Variants in CPA5 observed in about 807,000 individuals in gnomAD.
CPA5 encodes the protein testicular tissue protein Li 32.
Under a neutral mutation model 52.2 loss-of-function variants are expected in CPA5, and 38 were observed. The observed-to-expected ratio is 0.73, with a 90% CI of 0.56 to 0.95. The LOEUF is 0.95. Among genes scored for constraint, CPA5 ranks in the 40% least tolerant of loss-of-function variants. The pLI, the probability that CPA5 is intolerant of heterozygous loss-of-function variation, is 0.00. For synonymous variants in CPA5, 198 were observed against 213.7 expected, an observed-to-expected ratio of 0.93 and a Z score of 0.64; for missense variants, 519 against 566.7, an observed-to-expected ratio of 0.92 and a Z score of 0.86.
chr7:130,350,123 C>G lies in CPA5; in HGVS notation c.333+14C>G. On this transcript the variant is annotated intron_variant, in intron 5 of 12. Transcript: ENST00000474905. ...AAGGACATCCAGGTGAAGCCCTGCC[C>G]CAGCTGGGACCCTGCCTTCCGCCTT... 6.2e-7 allele frequency: 1 copy of G among 1,604,680 alleles called. No individual in the cohort carries two copies.
intron 7 of CPA5, among the ~76,000 whole-genome samples, chr7:130,362,235 C>T (rs906821631): frequency 1.3e-5 from 2 of 152,160 alleles, no homozygotes; most frequent in Non-Finnish European, 2.9e-5. Flanking sequence ...CTTTGCTCGC[C>T]AATGGCACCA....
rs201049041 is a variant in CPA5, at chr7:130,361,205, T to G, written c.495T>G (p.Ile165Met). The change falls in exon 7 of 13, where the codon ATT becomes ATG. Residue 165 changes from isoleucine to methionine, a missense_variant. Physicochemically the swap from Ile to Met is conservative, Grantham distance 10. Coordinates refer to ENST00000474905, the MANE Select transcript of CPA5 (RefSeq NM_080385.5). ...CCGATATTGTCTCAAAAATTCAGAT[T>G]GGCAACAGCTTTGAAAACCAGTCCA... ...EHSDIVSKIQIGNSFENQSIL... is the reference protein window; with the variant it reads ...EHSDIVSKIQMGNSFENQSIL... The G allele has an allele frequency of 3.9e-4, 627 of 1,614,002 alleles. No individual in the cohort carries two copies. Among genetic ancestry groups the G allele is most frequent in the Non-Finnish European group, 5.3e-4 (623 of 1,179,954 alleles).
chr7:130,374,575 T>C, the CPA5 span, among the ~76,000 whole-genome samples: 1 of 152,086 alleles, frequency 6.6e-6, no homozygotes, highest in Non-Finnish European at 1.5e-5. Flanking sequence ...ACATACAATA[T>C]AGAAAATAAA....
intron 5 of CPA5, among the ~76,000 whole-genome samples, chr7:130,355,284 T>TGTCACACACCTCCTCATCATC (rs1795410954): frequency 1.3e-5 from 2 of 152,184 alleles, no homozygotes; most frequent in African/African-American, 4.8e-5. Context: ...TCCTTATCAT[T>TGTCACACACCTCCTCATCATC]GTCACACTCC....
intron 5 of CPA5, among the ~76,000 whole-genome samples, chr7:130,350,637 G>A (rs1554403729): frequency 6.6e-6 from 1 of 152,192 alleles, no homozygotes; most frequent in African/African-American, 2.4e-5. Context: ...TCCGCACGGG[G>A]CATCCCCCCA....
rs76985044 is a variant in CPA5 at position 130,359,578 on chromosome 7, C to G, written c.334-11C>G. The stretch of plus-strand genomic sequence containing the variant: ...CCCCTTCCTTTCCAATATGTGTTCC[C>G]CATCACCCAGGTGCTGCTGGATGAG... On this transcript the variant is annotated splice_polypyrimidine_tract_variant and intron_variant, in intron 5 of 12. Transcript: ENST00000474905. The G allele has an allele frequency of 1.3e-6, 2 of 1,552,552 alleles. No individual in the cohort carries two copies. The highest frequency in any genetic ancestry group is 4.8e-5 in the East Asian group (2 of 41,576).
intron 5 of CPA5, among the ~76,000 whole-genome samples, chr7:130,352,098 G>T (rs1372291394): frequency 1.3e-5 from 2 of 152,266 alleles, no homozygotes; most frequent in East Asian, 3.9e-4. Context: ...AAAGAGGAGT[G>T]GTCGTGTTTG....
chr7:130,369,656 T>C (rs1220772320), downstream of CPA5, among the ~76,000 whole-genome samples: 3 of 152,076 alleles, frequency 2.0e-5, no homozygotes, highest in South Asian at 2.1e-4. Flanking sequence ...TGTGCATGTG[T>C]GTGCACGTGT....
chr7:130,359,495 G>A (rs1055084368), intron 5 of CPA5, 94 bp from the exon 6 acceptor site: 2 of 829,826 alleles, frequency 2.4e-6, no homozygotes, highest in Admixed American at 2.2e-5. Flanking sequence ...TGTTGCTGCT[G>A]TCTTTATGCA....
rs782787226 is a variant in CPA5, at chr7:130,361,182, G to A, written c.472G>A (p.Asp158Asn). The change falls in exon 7 of 13, where the codon GAT (aspartate) becomes AAT (asparagine). Residue 158 changes from aspartate to asparagine, a missense_variant. Physicochemically the swap from Asp to Asn is conservative, Grantham distance 23 (BLOSUM62 1). Transcript: ENST00000474905. ...WIDNFVMEHS[D>N]IVSKIQIGNS... The stretch of plus-strand genomic sequence containing the variant: ...TGACAACTTTGTAATGGAGCATTCC[G>A]ATATTGTCTCAAAAATTCAGATTGG... 1.3e-5 allele frequency: 21 copies of A among 1,613,908 alleles called. No homozygotes were observed. Among genetic ancestry groups the A allele is most frequent in the South Asian group, 2.2e-5 (2 of 91,056 alleles).
Position 130,368,547 on chromosome 7 carries a change from T to C in CPA5, c.1261T>C (p.Trp421Arg), listed in dbSNP as rs1584842744. Reference protein sequence around the residue: ...TQIIPTAQETWMALRTIMEHT... With the variant: ...TQIIPTAQETRMALRTIMEHT... ...GATCATCCCCACGGCCCAGGAGACG[T>C]GGATGGCGCTTCGGACCATCATGGA... The change falls in exon 13 of 13, where the codon TGG becomes CGG. Residue 421 changes from tryptophan (W) to arginine (R), a missense_variant. Trp to Arg is a moderately radical substitution (Grantham distance 101, BLOSUM62 -3). Transcript: ENST00000474905. The C allele has an allele frequency of 1.9e-6, 3 of 1,614,040 alleles. No homozygotes were observed. The East Asian group carries it at 6.7e-5, about 36-fold the overall frequency.
intron 9 of CPA5, 45 bp from the exon 10 acceptor site, chr7:130,363,374 G>A: frequency 6.6e-7 from 1 of 1,507,188 alleles, no homozygotes; most frequent in Non-Finnish European, 9.0e-7. Flanking sequence ...CCCATCCCTG[G>A]GAATGGGCCC....
At chr7:130,373,065 T>C (rs1796309271), downstream of CPA5, among the ~76,000 whole-genome samples, 1 of 152,074 alleles carries the variant, frequency 6.6e-6, no homozygotes, top group Non-Finnish European at 1.5e-5. Flanking sequence ...CTTCCTTCCA[T>C]ATAGATTGAG....
intron 10 of CPA5, 29 bp downstream of exon 10, chr7:130,363,538 G>A: frequency 1.9e-6 from 3 of 1,547,938 alleles, no homozygotes; most frequent in Admixed American, 1.9e-5. Context: ...CTGGGGCAGG[G>A]TTGGAGAAGA....
chr7:130,352,457 C>T (rs1306377949), intron 5 of CPA5, among the ~76,000 whole-genome samples: 9 of 151,576 alleles, frequency 5.9e-5, no homozygotes, highest in Admixed American at 1.3e-4. Flanking sequence ...AGGCACTGCA[C>T]GCCGTGCTTC....
intron 5 of CPA5, among the ~76,000 whole-genome samples, chr7:130,353,877 G>A (rs957219120): frequency 2.6e-5 from 4 of 152,120 alleles, no homozygotes; most frequent in African/African-American, 4.8e-5. Context: ...AACTAATTTG[G>A]AGTAGAAGCC....
chr7:130,352,534 C>T (rs1432927735), intron 5 of CPA5, among the ~76,000 whole-genome samples: 3 of 152,078 alleles, frequency 2.0e-5, no homozygotes, highest in African/African-American at 7.2e-5. Context: ...GAAGGGGGGC[C>T]CCCACCCCGA....
rs782192778 is a variant in CPA5, at chr7:130,361,206, G to A, written c.496G>A (p.Gly166Ser). The change falls in exon 7 of 13, where the codon GGC becomes AGC. Residue 166 changes from glycine (G) to serine (S), a missense_variant. Gly to Ser is a moderately conservative substitution (Grantham distance 56, BLOSUM62 0). Coordinates refer to ENST00000474905, the MANE Select transcript of CPA5 (RefSeq NM_080385.5). ...CGATATTGTCTCAAAAATTCAGATT[G>A]GCAACAGCTTTGAAAACCAGTCCAT... ...HSDIVSKIQI[G>S]NSFENQSILV... 5 of 1,614,024 alleles carry A rather than the reference G, an allele frequency of 3.1e-6. No homozygotes were observed. The highest frequency in any genetic ancestry group is 1.6e-4 in the Middle Eastern group (1 of 6,062).
Position 130,368,495 on chromosome 7 carries a change from G to A in CPA5, c.1209G>A (p.Gln403=). The change falls in exon 13 of 13, where the codon CAG becomes CAA. Residue 403 remains glutamine (Q), a synonymous_variant. Coordinates refer to ENST00000474905, the MANE Select transcript of CPA5 (RefSeq NM_080385.5). ...GCTTTGAGCTCCGGGACACTGGGCA[G>A]TATGGCTTCCTGCTGCCGGCCACAC... ...AFSFELRDTG[Q]YGFLLPATQI... 2 of 1,614,188 alleles carry A rather than the reference G, an allele frequency of 1.2e-6. No homozygotes were observed. Among genetic ancestry groups the A allele is most frequent in the African/African-American group, 2.7e-5 (2 of 75,038 alleles).
Sources: allele counts gnomAD v4.1 joint callset (sites outside exome capture counted in the v4.1 genomes callset), GRCh38; gene constraint gnomAD v4.1.1; transcripts MANE v1.5; gene names NCBI Gene and HGNC (gene_info 2026-07-23, HGNC 2026-07-21).